RALGPS1: variants seen among roughly 807,000 people sequenced by gnomAD.
RALGPS1 encodes Ral GEF with PH domain and SH3 binding motif 1.
RALGPS1 carries 19 observed loss-of-function variants against 78.8 expected under a neutral mutation model. The ratio of observed to expected loss-of-function variants is 0.24; its 90% CI spans 0.17 to 0.35. RALGPS1 has a LOEUF of 0.35. RALGPS1 is among the 10% of genes least tolerant of loss of function. RALGPS1 has a pLI of 1.00. For missense variants in RALGPS1, 454 were observed against 688.3 expected (o/e 0.66, Z 3.81); for synonymous variants, 228 against 256.3 (o/e 0.89, Z 1.06).
chr9:127,030,002 A>T (rs191711213), intron 4 of RALGPS1, among the ~76,000 whole-genome samples: 1 of 152,334 alleles, frequency 6.6e-6, no homozygotes, highest in East Asian at 1.9e-4. Flanking sequence ...TTGCACAGTT[A>T]GGGATTATTT....
chr9:126,946,469 G>A (rs918099601), intron 1 of RALGPS1, among the ~76,000 whole-genome samples: 2 of 146,750 alleles, frequency 1.4e-5, no homozygotes, highest in Admixed American at 7.1e-5. Flanking sequence ...GGGAGACGGA[G>A]GTTGCAGTGA....
At chr9:127,084,247 A>G (rs1033254804) in intron 8 of RALGPS1, among the ~76,000 whole-genome samples, 3 of 152,074 alleles carry the variant, frequency 2.0e-5, no homozygotes, top group African/African-American at 7.2e-5. Context: ...TCTTCGCTGG[A>G]TCCCGGCCAG....
chr9:127,057,144 C>T (rs568863414), intron 7 of RALGPS1, among the ~76,000 whole-genome samples: 3 of 152,282 alleles, frequency 2.0e-5, no homozygotes, highest in Admixed American at 6.5e-5. Flanking sequence ...GTCTTCTTGG[C>T]GGGTATGCTG....
Position 127,200,007 on chromosome 9 carries a change from C to T in RALGPS1, c.1247+941C>T, listed in dbSNP as rs561761188. On this transcript the variant is annotated intron_variant, in intron 14 of 18. Transcript: ENST00000259351. ...GAACTCACCTATGCTTGCAGTGTCA[C>T]GTACACAGGCACACGCTCACACATG... Among the ~76,000 whole-genome samples, 65 of 152,264 alleles carry T rather than the reference C, an allele frequency of 4.3e-4. 4 individuals carry two copies. Among genetic ancestry groups the T allele is most frequent in the Admixed American group, 2.6e-3 (40 of 15,304 alleles).
At chr9:127,055,880 G>A (rs2048698734) in intron 7 of RALGPS1, among the ~76,000 whole-genome samples, 1 of 152,192 alleles carries the variant, frequency 6.6e-6, no homozygotes, top group Non-Finnish European at 1.5e-5. Context: ...CCAGGCCTTT[G>A]GGTCTCTGTC....
Position 127,219,088 on chromosome 9 carries a change from G to A in RALGPS1, c.*319G>A, listed in dbSNP as rs2062707683. ...ACCCGGCCCACGTTGGGTTCTCAGT[G>A]CTTTCTACTGCACAGAGTGGACAGC... On this transcript the variant is annotated 3_prime_UTR_variant, in exon 19 of 19. Transcript: ENST00000259351. This position sits in a 1 kb window ranked among gnomAD's most constrained non-coding sequence, Gnocchi z 5.0. 4 of 437,094 alleles carry A rather than the reference G, an allele frequency of 9.2e-6. No individual in the cohort carries two copies. The highest frequency in any genetic ancestry group is 1.7e-5 in the Non-Finnish European group (4 of 234,112). The allele number at this position is 437,094 out of a possible 1,614,324, so 27.1% of individuals were successfully genotyped here. A position where few individuals can be genotyped will look rare whatever the true frequency, so the allele number is the denominator to read the frequency against.
intron 8 of RALGPS1, among the ~76,000 whole-genome samples, chr9:127,096,848 A>G (rs2053193355): frequency 6.6e-6 from 1 of 152,174 alleles, no homozygotes; most frequent in Non-Finnish European, 1.5e-5. Context: ...TGTACTGAGC[A>G]TTTCCTATGG....
chr9:127,084,306 CAG>C (rs1388467552), intron 8 of RALGPS1, among the ~76,000 whole-genome samples: 3 of 152,146 alleles, frequency 2.0e-5, no homozygotes, highest in Non-Finnish European at 4.4e-5. Flanking sequence ...CCCGTGGCAA[CAG>C]GGGAGGAAGA....
chr9:127,085,371 G>A (rs986194535), intron 8 of RALGPS1, among the ~76,000 whole-genome samples: 27 of 152,182 alleles, frequency 1.8e-4, no homozygotes, highest in African/African-American at 6.5e-4. Flanking sequence ...TCACTGATGG[G>A]ATAGGAGAGG....
chr9:127,059,827 A>G (rs1188682040), intron 7 of RALGPS1, among the ~76,000 whole-genome samples: 2 of 152,150 alleles, frequency 1.3e-5, no homozygotes, highest in Non-Finnish European at 2.9e-5. Flanking sequence ...GAGTGCCAGA[A>G]GACTCTCTTA....
chr9:127,161,949 T>C (rs919919477), intron 8 of RALGPS1, among the ~76,000 whole-genome samples: 11 of 152,232 alleles, frequency 7.2e-5, no homozygotes, highest in African/African-American at 2.7e-4. Context: ...ATTTTTCTTA[T>C]GAATCGATAA....
chr9:126,961,480 C>CT (rs544556453), intron 1 of RALGPS1, among the ~76,000 whole-genome samples: 2 of 152,280 alleles, frequency 1.3e-5, no homozygotes, highest in South Asian at 4.1e-4. Flanking sequence ...AGAGAATTTG[C>CT]TTGTCTTCTT....
At chr9:127,011,557 A>G in intron 4 of RALGPS1, among the ~76,000 whole-genome samples, 1 of 152,338 alleles carries the variant, frequency 6.6e-6, no homozygotes, top group East Asian at 1.9e-4. Context: ...TTATATGTCT[A>G]ACTAGAAAAA....
At chr9:127,107,304 C>T (rs1289964221) in intron 8 of RALGPS1, among the ~76,000 whole-genome samples, 3 of 152,172 alleles carry the variant, frequency 2.0e-5, no homozygotes, top group South Asian at 4.1e-4. Context: ...TCCCATTCCT[C>T]CCCCATAACG....
intron 8 of RALGPS1, among the ~76,000 whole-genome samples, chr9:127,112,436 G>A (rs896581968): frequency 6.6e-6 from 1 of 152,238 alleles, no homozygotes; most frequent in Admixed American, 6.5e-5. Flanking sequence ...GTGCCCATGT[G>A]GGCGCAGGGC....
chr9:127,080,855 A>G (rs541711391), intron 8 of RALGPS1, among the ~76,000 whole-genome samples: 17 of 152,358 alleles, frequency 1.1e-4, no homozygotes, highest in Non-Finnish European at 2.1e-4. Context: ...TCAGATTTTC[A>G]GATTAGGTTT....
chr9:126,977,663 T>A, intron 3 of RALGPS1, 32 bp from the exon 4 acceptor site: 1 of 1,468,252 alleles, frequency 6.8e-7, no homozygotes, highest in Non-Finnish European at 9.5e-7. Context: ...TGATGTACAG[T>A]ATTTTCTAAA....
intron 10 of RALGPS1, among the ~76,000 whole-genome samples, 177 bp downstream of exon 10, chr9:127,168,949 G>A (rs1588295500): frequency 6.6e-6 from 1 of 152,372 alleles, no homozygotes; most frequent in Non-Finnish European, 1.5e-5. Flanking sequence ...CGCGTGCAGT[G>A]TGATCTTTGA....
intron 8 of RALGPS1, among the ~76,000 whole-genome samples, chr9:127,125,897 G>A (rs534039293): frequency 6.6e-6 from 1 of 152,184 alleles, no homozygotes; most frequent in Admixed American, 6.5e-5. Flanking sequence ...GACACAATTC[G>A]TAAGAATGAT....
Sources: allele counts gnomAD v4.1 joint callset (sites outside exome capture counted in the v4.1 genomes callset), GRCh38; gene constraint gnomAD v4.1.1; non-coding constraint Gnocchi (gnomAD v3.1); transcripts MANE v1.5; gene names NCBI Gene and HGNC (gene_info 2026-07-23, HGNC 2026-07-21).